NT5C3A: variants seen among roughly 807,000 people sequenced by gnomAD.
The protein encoded by NT5C3A is cytosolic 5'-nucleotidase 3A.
NT5C3A carries 23 observed loss-of-function variants against 40.0 expected under a neutral mutation model. That is an observed-to-expected ratio of 0.58 (90% CI 0.41 to 0.81). The LOEUF is 0.81. NT5C3A is among the 40% of genes least tolerant of loss of function. NT5C3A has a pLI of 0.00. For missense variants in NT5C3A, 328 were observed against 403.0 expected (o/e 0.81, Z 1.59); for synonymous variants, 130 against 141.4 (o/e 0.92, Z 0.57).
At chr7:33,048,703 G>A (rs1787250905) in intron 1 of NT5C3A, among the ~76,000 whole-genome samples, 2 of 152,152 alleles carry the variant, frequency 1.3e-5, no homozygotes, top group Non-Finnish European at 1.5e-5. Context: ...CATCTCCAAT[G>A]ATTATGGCAG....
chr7:33,040,860 G>T, intron 1 of NT5C3A: 2 of 982,170 alleles, frequency 2.0e-6, no homozygotes, highest in Non-Finnish European at 2.4e-6. Context: ...TACATGAACC[G>T]TACACACTTA....
intron 1 of NT5C3A, among the ~76,000 whole-genome samples, chr7:33,047,616 C>A (rs1338931743): frequency 6.6e-6 from 1 of 151,788 alleles, no homozygotes; most frequent in South Asian, 2.1e-4. Context: ...AGTAAACAAT[C>A]TTGATTTAAA....
chr7:33,030,470 A>G (rs190438826), intron 1 of NT5C3A, among the ~76,000 whole-genome samples: 51 of 152,350 alleles, frequency 3.3e-4, no homozygotes, highest in Non-Finnish European at 6.8e-4. Flanking sequence ...CAATTTGATT[A>G]TGATAAAATT....
At chr7:33,043,187 C>T (rs1053064402) in intron 1 of NT5C3A, among the ~76,000 whole-genome samples, 4 of 152,220 alleles carry the variant, frequency 2.6e-5, no homozygotes, top group Non-Finnish European at 4.4e-5. Context: ...CTGCACAGTA[C>T]TGCTCCATGA....
chr7:33,040,720 T>G (rs186315613), intron 1 of NT5C3A, among the ~76,000 whole-genome samples: 4 of 152,332 alleles, frequency 2.6e-5, no homozygotes, highest in African/African-American at 9.6e-5. Context: ...TCTTCACAAA[T>G]TATAAAGAAG....
At chr7:33,029,622 G>A (rs1444570542) in intron 1 of NT5C3A, 19 of 1,279,766 alleles carry the variant, frequency 1.5e-5, no homozygotes, top group Non-Finnish European at 1.5e-5. Context: ...TACCCAAGAT[G>A]TCTTACCTCA....
At chr7:33,047,259 T>C (rs897444075) in intron 1 of NT5C3A, among the ~76,000 whole-genome samples, 1 of 152,200 alleles carries the variant, frequency 6.6e-6, no homozygotes, top group African/African-American at 2.4e-5. Context: ...GGTAATGCAA[T>C]TTAAGCTTTT....
chr7:33,051,253 T>G (rs1787357883), intron 1 of NT5C3A, among the ~76,000 whole-genome samples: 1 of 152,140 alleles, frequency 6.6e-6, no homozygotes. Context: ...AACCTCTGCT[T>G]CTGGGGTTCA....
Position 33,062,758 on chromosome 7 carries a change from G to A in NT5C3A, c.-53C>T. The A allele has an allele frequency of 1.9e-6, 3 of 1,548,814 alleles. No homozygotes were observed. The highest frequency in any genetic ancestry group is 2.6e-6 in the Non-Finnish European group (3 of 1,146,458). On this transcript the variant is annotated 5_prime_UTR_variant, in exon 1 of 9. Transcript: ENST00000610140. ...AGGAAAAAAACAGGCAGCTCGCGTA[G>A]ACTGCGAGTCTCGGAAGCGCGGGAT...
chr7:33,035,424 A>C (rs1583934476), intron 1 of NT5C3A, among the ~76,000 whole-genome samples: 1 of 151,880 alleles, frequency 6.6e-6, no homozygotes. Context: ...CGATCTCCTG[A>C]CCTGGTGATC....
intron 1 of NT5C3A, 130 bp from the exon 2 acceptor site, chr7:33,027,045 C>A: frequency 1.6e-6 from 1 of 633,806 alleles, no homozygotes. Context: ...AAGCAAGCCA[C>A]CACATCAAAT....
intron 1 of NT5C3A, among the ~76,000 whole-genome samples, chr7:33,054,323 C>A (rs576564474): frequency 6.6e-6 from 1 of 150,950 alleles, no homozygotes; most frequent in Admixed American, 6.6e-5. Flanking sequence ...CACTGCACTC[C>A]AGCCTGGGTG....
chr7:33,020,272 A>G (rs913052879), intron 5 of NT5C3A, among the ~76,000 whole-genome samples: 8 of 152,102 alleles, frequency 5.3e-5, no homozygotes, highest in African/African-American at 1.9e-4. Flanking sequence ...GCAAACAGCC[A>G]CTAAAAACAG....
In NT5C3A at chr7:33,049,690, C is replaced by T. The variant is rs886096556; in HGVS notation, c.138+12878G>A. Among the ~76,000 whole-genome samples, 2 of 152,080 alleles carry T rather than the reference C, an allele frequency of 1.3e-5. 1 individual carries two copies. The highest frequency in any genetic ancestry group is 4.2e-4 in the South Asian group (2 of 4,816). ...CAAAATTTTAAAAATTGACAACAGG[C>T]CGGGCACAGTGGCTCACGGCTGTAA... is the stretch of plus-strand genomic sequence containing the variant. On this transcript the variant is annotated intron_variant, in intron 1 of 8. Coordinates refer to ENST00000610140, the MANE Select transcript of NT5C3A (RefSeq NM_001002010.5).
chr7:33,019,515 T>C (rs1583897466), intron 6 of NT5C3A, 120 bp downstream of exon 6: 1 of 710,206 alleles, frequency 1.4e-6, no homozygotes, highest in East Asian at 2.7e-5. Flanking sequence ...AGGTGGCATA[T>C]TTTGGATATG....
In NT5C3A at chr7:33,021,714, C is replaced by A. The variant is rs1785639430; in HGVS notation, c.354+339G>T. 1.0e-5 allele frequency: 4 copies of A among 398,962 alleles called. No homozygotes were observed. In the South Asian group the frequency reaches 1.2e-4, roughly 12 times the overall value. 24.7% of individuals were successfully genotyped at this position (398,962 alleles called of 1,614,324 possible). ...ATACTCAAGCGAAGTACTGAAGCAA[C>A]TTCCTCATCAACTTAAAGGAGCAAA... On this transcript the variant is annotated intron_variant, in intron 4 of 8. Coordinates refer to ENST00000610140, the MANE Select transcript of NT5C3A (RefSeq NM_001002010.5).
At chr7:33,040,838 G>C in intron 1 of NT5C3A, 1 of 964,314 alleles carries the variant, frequency 1.0e-6, no homozygotes, top group Non-Finnish European at 1.2e-6. Flanking sequence ...AGTTAGACAA[G>C]AGAAACTCAT....
chr7:33,043,247 A>G (rs765559123), intron 1 of NT5C3A, among the ~76,000 whole-genome samples: 1 of 152,210 alleles, frequency 6.6e-6, no homozygotes, highest in Non-Finnish European at 1.5e-5. Flanking sequence ...AAAAGTTATA[A>G]TATCTACAGC....
At chr7:33,051,432 G>C (rs1024172618) in intron 1 of NT5C3A, among the ~76,000 whole-genome samples, 1 of 152,138 alleles carries the variant, frequency 6.6e-6, no homozygotes, top group Non-Finnish European at 1.5e-5. Context: ...AAAGTGCTGG[G>C]ATTATAGGCG....
Sources: gnomAD v4.1 joint callset for allele counts (sites outside exome capture counted in the v4.1 genomes callset) on GRCh38, gnomAD v4.1.1 for gene constraint, MANE v1.5 for transcripts, NCBI Gene and HGNC (gene_info 2026-07-23, HGNC 2026-07-21) for gene names.